Variants in FFAR4 observed in about 807,000 individuals in gnomAD.
The protein encoded by FFAR4 is free fatty acid receptor 4.
In FFAR4, 19 loss-of-function variants were observed where a neutral mutation model predicts 27.0. The ratio of observed to expected loss-of-function variants is 0.70; its 90% CI spans 0.49 to 1.03. FFAR4 has a LOEUF of 1.03. FFAR4 is among the 50% of genes least tolerant of loss of function. The pLI, the probability that FFAR4 is intolerant of heterozygous loss-of-function variation, is 0.00. For missense variants in FFAR4, 476 were observed against 479.0 expected, an observed-to-expected ratio of 0.99 and a Z score of 0.06; for synonymous variants, 254 against 215.6, an observed-to-expected ratio of 1.18 and a Z score of -1.56.
At chr10:93,583,336 A>C (rs1292061584) in intron 2 of FFAR4, among the ~76,000 whole-genome samples, 1 of 151,508 alleles carries the variant, frequency 6.6e-6, no homozygotes, top group African/African-American at 2.4e-5. Flanking sequence ...GAATGGGGTG[A>C]ACCCAGGAGG....
At chr10:93,576,005 A>C in intron 1 of FFAR4, 86 bp from the exon 2 acceptor site, 1 of 1,349,586 alleles carries the variant, frequency 7.4e-7, no homozygotes. Flanking sequence ...CAACCGTGTA[A>C]GTGTCAGGAA....
At chr10:93,580,483 GT>G (rs1166913610) in intron 2 of FFAR4, among the ~76,000 whole-genome samples, 14 of 152,300 alleles carry the variant, frequency 9.2e-5, no homozygotes, top group African/African-American at 3.4e-4. Flanking sequence ...AATGTTAGGT[GT>G]TAGAAAGGGT....
Position 93,570,331 on chromosome 10 carries a change from GA to G in FFAR4, c.567+3048del, listed in dbSNP as rs543114507. Among the ~76,000 whole-genome samples the G allele has an allele frequency of 2.1e-4, 32 of 148,912 alleles. No homozygotes were observed. The East Asian group carries it at 5.4e-3, about 25-fold the overall frequency. On this transcript the variant is annotated intron_variant, in intron 1 of 2. Transcript: ENST00000371481. ...GGTTCAGCAGTTGAAGAAATAAGTTGAAAAGAATGAGAGACAGAAAAAAACA... is the reference window on the plus strand; with the variant it reads ...GGTTCAGCAGTTGAAGAAATAAGTTGAAAGAATGAGAGACAGAAAAAAACA...
intron 1 of FFAR4, among the ~76,000 whole-genome samples, chr10:93,572,985 C>T (rs1276343127): frequency 6.6e-6 from 1 of 152,210 alleles, no homozygotes; most frequent in African/African-American, 2.4e-5. Context: ...AATTTCATCC[C>T]ACAATTCTGC....
chr10:93,572,211 A>G (rs1180328595), intron 1 of FFAR4, among the ~76,000 whole-genome samples: 2 of 152,122 alleles, frequency 1.3e-5, no homozygotes, highest in Admixed American at 6.5e-5. Context: ...AGCTTTGGAG[A>G]GCTGTGGAAA....
intron 2 of FFAR4, among the ~76,000 whole-genome samples, chr10:93,579,451 G>A (rs959821744): frequency 2.0e-5 from 3 of 152,052 alleles, no homozygotes; most frequent in Non-Finnish European, 4.4e-5. Context: ...TTCTGCATGG[G>A]TCACTTCCCC....
chr10:93,586,282 G>C (rs2058226564), intron 2 of FFAR4, among the ~76,000 whole-genome samples: 2 of 152,046 alleles, frequency 1.3e-5, no homozygotes, highest in Admixed American at 1.3e-4. Context: ...CCCTTCGCTT[G>C]GTTCTCATTC....
In FFAR4 at chr10:93,587,698, C is replaced by T; in HGVS notation, c.*89C>T. 1.6e-6 allele frequency: 2 copies of T among 1,286,598 alleles called. No homozygotes were observed. Among genetic ancestry groups the T allele is most frequent in the Non-Finnish European group, 2.1e-6 (2 of 931,224 alleles). The allele number at this position is 1,286,598 out of a possible 1,614,324, so 79.7% of individuals were successfully genotyped here. On this transcript the variant is annotated 3_prime_UTR_variant, in exon 3 of 3. Coordinates refer to ENST00000371481, the MANE Select transcript of FFAR4 (RefSeq NM_001195755.2). ...TTTCCAGTACCCTCCATCAGTGCAC[C>T]CTGCTTTAAGAAAATGAACCTATGC... is the stretch of plus-strand genomic sequence containing the variant.
At position 93,576,233 on chromosome 10, in the gene FFAR4, A is replaced by T. The variant is rs2058163322; in HGVS notation, c.696+14A>T. 1 of 1,613,626 alleles carries T rather than the reference A, an allele frequency of 6.2e-7. No homozygotes were observed. The highest frequency in any genetic ancestry group is 1.3e-5 in the African/African-American group (1 of 74,906). Reference sequence around the variant, plus strand: ...AAAATTTTACAGGTATGTTTTCTGCAAGTGCTGCCACTGAACTTCACCCAG... The same window carrying T: ...AAAATTTTACAGGTATGTTTTCTGCTAGTGCTGCCACTGAACTTCACCCAG... On this transcript the variant is annotated intron_variant, in intron 2 of 2. Coordinates refer to ENST00000371481, the MANE Select transcript of FFAR4 (RefSeq NM_001195755.2).
intron 2 of FFAR4, among the ~76,000 whole-genome samples, chr10:93,584,023 G>A (rs1018738480): frequency 6.6e-6 from 1 of 152,172 alleles, no homozygotes; most frequent in Non-Finnish European, 1.5e-5. Context: ...GGCCTAGAGC[G>A]ATATCCTTAC....
chr10:93,580,518 G>C (rs2058191130), intron 2 of FFAR4, among the ~76,000 whole-genome samples: 1 of 152,216 alleles, frequency 6.6e-6, no homozygotes, highest in South Asian at 2.1e-4. Context: ...GGATAGGCTA[G>C]ATTGGATTCT....
chr10:93,581,859 G>GCTGT (rs2058199164), intron 2 of FFAR4, among the ~76,000 whole-genome samples: 1 of 152,088 alleles, frequency 6.6e-6, no homozygotes, highest in Non-Finnish European at 1.5e-5. Flanking sequence ...CTGCTGAGGT[G>GCTGT]CTGTGCCTCA....
At chr10:93,578,966 C>T (rs578104116) in intron 2 of FFAR4, among the ~76,000 whole-genome samples, 1 of 152,312 alleles carries the variant, frequency 6.6e-6, no homozygotes, top group Non-Finnish European at 1.5e-5. Context: ...CGCTTCTCAG[C>T]TGCCTGCTGA....
chr10:93,579,774 G>A (rs2058188047), intron 2 of FFAR4, among the ~76,000 whole-genome samples: 3 of 152,168 alleles, frequency 2.0e-5, no homozygotes, highest in Admixed American at 2.0e-4. Context: ...TCTCTTCTTG[G>A]ACAGTGGGAA....
intron 2 of FFAR4, chr10:93,579,270 C>T (rs2058185533): frequency 7.2e-7 from 1 of 1,383,642 alleles, no homozygotes; most frequent in Non-Finnish European, 1.0e-6. Flanking sequence ...CCATCACCAC[C>T]CTCACCTTAA....
intron 1 of FFAR4, among the ~76,000 whole-genome samples, chr10:93,568,187 G>C (rs1433054605): frequency 2.7e-5 from 4 of 150,788 alleles, no homozygotes; most frequent in Non-Finnish European, 5.9e-5. Flanking sequence ...CAGGGTTCGT[G>C]CGCCGGGATC....
Position 93,567,237 on chromosome 10 carries a change from C to G in FFAR4, c.517C>G (p.Leu173Val). Reference protein sequence around the residue: ...WGYSAVAALPLCVFFRVVPQR... With the variant: ...WGYSAVAALPVCVFFRVVPQR... ...CTATTCGGCGGTCGCCGCTCTGCCT[C>G]TCTGCGTCTTCTTCCGAGTCGTCCC... Residue 173 changes from leucine (L) to valine (V), a missense_variant, in exon 1 of 3, where the codon CTC (leucine) becomes GTC (valine). Leu to Val is a conservative substitution (Grantham distance 32, BLOSUM62 1). Coordinates refer to ENST00000371481, the MANE Select transcript of FFAR4 (RefSeq NM_001195755.2). 1 of 1,601,416 alleles carries G rather than the reference C, an allele frequency of 6.2e-7. No homozygotes were observed. Among genetic ancestry groups the G allele is most frequent in the Admixed American group, 1.7e-5 (1 of 59,968 alleles).
In FFAR4 at chr10:93,589,762, A is replaced by G. The variant is rs2058251687; in HGVS notation, c.*2153A>G. 2 of 152,198 alleles carry G rather than the reference A, an allele frequency of 1.3e-5. No individual in the cohort carries two copies. Among genetic ancestry groups the G allele is most frequent in the Non-Finnish European group, 1.5e-5 (1 of 68,044 alleles). The allele number at this position is 152,198 out of a possible 1,614,324, so 9.4% of individuals were successfully genotyped here. A position where few individuals can be genotyped will look rare whatever the true frequency, so the allele number is the denominator to read the frequency against. On this transcript the variant is annotated 3_prime_UTR_variant, in exon 3 of 3. Transcript: ENST00000371481. Reference sequence around the variant, plus strand: ...ATGGTGTTTATAGACCTATGGTTTTATAATACATCCCTTGGAGAGATAGAG... The same window carrying G: ...ATGGTGTTTATAGACCTATGGTTTTGTAATACATCCCTTGGAGAGATAGAG...
chr10:93,586,954 T>C (rs1459618220), intron 2 of FFAR4, among the ~76,000 whole-genome samples: 1 of 152,192 alleles, frequency 6.6e-6, no homozygotes, highest in Admixed American at 6.5e-5. Context: ...ACAGGGAAGA[T>C]GTCCCTCTTG....
Sources: allele counts gnomAD v4.1 joint callset (sites outside exome capture counted in the v4.1 genomes callset), GRCh38; gene constraint gnomAD v4.1.1; transcripts MANE v1.5; gene names NCBI Gene and HGNC (gene_info 2026-07-23, HGNC 2026-07-21).